Variants in ARHGDIB observed in about 807,000 individuals in gnomAD.
The protein encoded by ARHGDIB is Rho GDP dissociation inhibitor beta.
In ARHGDIB, 20 loss-of-function variants were observed where a neutral mutation model predicts 22.6. That is an observed-to-expected ratio of 0.88 (90% CI 0.62 to 1.28). ARHGDIB has a LOEUF of 1.28. ARHGDIB is among the 50% of genes most tolerant of loss of function. The probability of loss-of-function intolerance (pLI) is 0.00; values close to 1 mark genes in which losing one functional copy is unlikely to be tolerated. For missense variants in ARHGDIB, 254 were observed against 245.4 expected, an observed-to-expected ratio of 1.04 and a Z score of -0.23; for synonymous variants, 114 against 96.1, an observed-to-expected ratio of 1.19 and a Z score of -1.09.
At chr12:14,952,132 C>G (rs904046372) in intron 1 of ARHGDIB, among the ~76,000 whole-genome samples, 1 of 152,130 alleles carries the variant, frequency 6.6e-6, no homozygotes, top group Admixed American at 6.5e-5. Flanking sequence ...CTGAGTGGTT[C>G]TGCAAACCTT....
chr12:14,950,032 T>C lies in ARHGDIB; in HGVS notation c.182-147A>G, dbSNP rs993070938. The C allele has an allele frequency of 2.2e-5, 16 of 737,956 alleles. No homozygotes were observed. The African/African-American group carries it at 2.5e-4, about 11-fold the overall frequency. 45.7% of individuals were successfully genotyped at this position (737,956 alleles called of 1,614,324 possible). A position where few individuals can be genotyped will look rare whatever the true frequency, so the allele number is the denominator to read the frequency against. On this transcript the variant is annotated intron_variant, in intron 2 of 5. Coordinates refer to ENST00000228945, the MANE Select transcript of ARHGDIB (RefSeq NM_001175.7). ...AGAAATGGATGTGGCAGGTTTGCTA[T>C]GCTTGGTCTTGATGGCCTTGTAAAT...
At chr12:14,942,872 C>CTTT in intron 5 of ARHGDIB, 151 bp from the exon 6 acceptor site, 9 of 531,790 alleles carry the variant, frequency 1.7e-5, no homozygotes, top group East Asian at 1.1e-4. Flanking sequence ...CCTGAGGCAT[C>CTTT]TTTTTTTTTT....
intron 1 of ARHGDIB, among the ~76,000 whole-genome samples, chr12:14,955,511 T>C (rs1864281856): frequency 6.6e-6 from 1 of 152,208 alleles, no homozygotes; most frequent in South Asian, 2.1e-4. Flanking sequence ...GTGAAAAGGT[T>C]ACTATAGTCA....
intron 1 of ARHGDIB, among the ~76,000 whole-genome samples, chr12:14,956,847 G>T (rs1864310477): frequency 6.6e-6 from 1 of 152,192 alleles, no homozygotes. Context: ...CAATTAAAAT[G>T]TCGAATTAAA....
chr12:14,947,263 A>C (rs1385238371), intron 4 of ARHGDIB, among the ~76,000 whole-genome samples: 2 of 152,074 alleles, frequency 1.3e-5, no homozygotes, highest in Admixed American at 1.3e-4. Context: ...GCTCATTGGG[A>C]TATATTAGAT....
rs1491299130 is a variant in ARHGDIB at position 14,943,405 on chromosome 12, T to TG, written c.407-685_407-684insC. Among the ~76,000 whole-genome samples, 76 of 26,750 alleles carry TG rather than the reference T, an allele frequency of 2.8e-3. 1 individual carries two copies. Among genetic ancestry groups the TG allele is most frequent in the African/African-American group, 9.0e-3 (75 of 8,288 alleles). The allele number at this position is 26,750 out of a possible 152,430, so 17.5% of individuals were successfully genotyped here. A position where few individuals can be genotyped will look rare whatever the true frequency, so the allele number is the denominator to read the frequency against. ...TTTTTTTTTTTTGTTGTTGTTGTTG[T>TG]TTTTTTTATGGAGATATAGCAGATT... On this transcript the variant is annotated intron_variant, in intron 5 of 5. Coordinates refer to ENST00000228945, the MANE Select transcript of ARHGDIB (RefSeq NM_001175.7).
intron 1 of ARHGDIB, among the ~76,000 whole-genome samples, chr12:14,951,876 C>T (rs1271607207): frequency 6.6e-6 from 1 of 151,834 alleles, no homozygotes; most frequent in African/African-American, 2.4e-5. Context: ...AAGAGAATTG[C>T]CCAGGTTCAC....
intron 5 of ARHGDIB, 150 bp from the exon 6 acceptor site, chr12:14,942,871 T>C: frequency 9.1e-6 from 6 of 656,820 alleles, no homozygotes; most frequent in East Asian, 2.8e-5. Flanking sequence ...ACCTGAGGCA[T>C]CTTTTTTTTT....
Position 14,946,070 on chromosome 12 carries a change from C to A in ARHGDIB, c.343-1231G>T, listed in dbSNP as rs563505486. On this transcript the variant is annotated intron_variant, in intron 4 of 5. Transcript: ENST00000228945. Reference sequence around the variant, plus strand: ...AAGAGTCTACCATCTCACCAGCGCTCTTCAGTGGGTCCATTTAATATAAAT... The same window carrying A: ...AAGAGTCTACCATCTCACCAGCGCTATTCAGTGGGTCCATTTAATATAAAT... 1.4e-4 allele frequency among the ~76,000 whole-genome samples: 22 copies of A among 152,326 alleles called. No individual in the cohort carries two copies. The South Asian group carries it at 4.6e-3, about 32-fold the overall frequency.
Position 14,942,689 on chromosome 12 carries a change from C to T in ARHGDIB, c.439G>A (p.Gly147Arg). ...DKATFMVGSYGPRPEEYEFLT... is the reference protein window; with the variant it reads ...DKATFMVGSYRPRPEEYEFLT... ...AACTCATACTCCTCAGGCCGAGGTC[C>T]ATAGCTGCCAACCATAAATGTTGCT... Residue 147 changes from glycine (G) to arginine (R), a missense_variant, in exon 6 of 6, where the codon GGA becomes AGA. By Grantham distance (125) the Gly-to-Arg change is moderately radical. Coordinates refer to ENST00000228945, the MANE Select transcript of ARHGDIB (RefSeq NM_001175.7). The T allele has an allele frequency of 6.2e-7, 1 of 1,614,132 alleles. No homozygotes were observed. Among genetic ancestry groups the T allele is most frequent in the Non-Finnish European group, 8.5e-7 (1 of 1,180,010 alleles).
intron 3 of ARHGDIB, 75 bp downstream of exon 3, chr12:14,949,727 G>T: frequency 7.5e-7 from 1 of 1,338,764 alleles, no homozygotes; most frequent in Non-Finnish European, 1.1e-6. Context: ...TCTTCTGTTG[G>T]AACAGGAGAC....
In ARHGDIB at chr12:14,942,579, C is replaced by T. The variant is rs1158495701; in HGVS notation, c.549G>A (p.Lys183=). The T allele has an allele frequency of 6.2e-7, 1 of 1,614,058 alleles. No homozygotes were observed. ...TCCACTCCCAGCTGAGGTGGTCTTG[C>T]TTGTCATCGTCGGTGAAGAAGGACT... The part of the protein sequence containing the change: ...HNKSFFTDDD[K]QDHLSWEWNL... Residue 183 remains lysine (K), a synonymous_variant, in exon 6 of 6, where the codon AAG becomes AAA. Transcript: ENST00000228945.
At chr12:14,950,876 T>C (rs1864159316) in intron 1 of ARHGDIB, 152 bp from the exon 2 acceptor site, 1 of 596,252 alleles carries the variant, frequency 1.7e-6, no homozygotes, top group East Asian at 3.0e-5. Context: ...CATTAAATTC[T>C]ATGAAATAAT....
chr12:14,947,242 T>G (rs1422154323), intron 4 of ARHGDIB, among the ~76,000 whole-genome samples: 1 of 152,228 alleles, frequency 6.6e-6, no homozygotes, highest in Non-Finnish European at 1.5e-5. Context: ...GGCTGCTCAT[T>G]GGGATATATG....
intron 2 of ARHGDIB, 107 bp from the exon 3 acceptor site, chr12:14,949,992 A>G (rs1335090450): frequency 3.9e-6 from 4 of 1,014,344 alleles, no homozygotes; most frequent in Non-Finnish European, 5.8e-6. Flanking sequence ...TGATCTTTCT[A>G]TCTGGAGTAG....
At chr12:14,952,293 A>G (rs1013634565) in intron 1 of ARHGDIB, among the ~76,000 whole-genome samples, 6 of 151,358 alleles carry the variant, frequency 4.0e-5, no homozygotes, top group South Asian at 4.2e-4. Flanking sequence ...AAAAAAAAAA[A>G]AGAGAAACAA....
rs368342527 is a variant in ARHGDIB at position 14,949,830 on chromosome 12, G to A, written c.237C>T (p.Ala79=). 6.8e-6 allele frequency: 11 copies of A among 1,613,548 alleles called. No individual in the cohort carries two copies. The African/African-American group carries it at 1.3e-4, about 20-fold the overall frequency. ...TAAGGTCCATGGTGATTGGTCCCGG[G>A]GCACTCTCACAAACCAGGGTGAGCC... ...VTRLTLVCES[A]PGPITMDLTG... is the part of the protein sequence containing the mutation. The change falls in exon 3 of 6, where the codon GCC becomes GCT. Residue 79 remains alanine, a synonymous_variant. Transcript: ENST00000228945.
intron 1 of ARHGDIB, among the ~76,000 whole-genome samples, chr12:14,959,134 A>G (rs1227446914): frequency 1.3e-5 from 2 of 152,146 alleles, no homozygotes; most frequent in Admixed American, 1.3e-4. Flanking sequence ...AAAAATAATA[A>G]TAGGCCATGC....
At chr12:14,953,126 C>T (rs1864219207) in intron 1 of ARHGDIB, among the ~76,000 whole-genome samples, 1 of 152,142 alleles carries the variant, frequency 6.6e-6, no homozygotes, top group South Asian at 2.1e-4. Context: ...TTTCTCGATT[C>T]ATTGCAAACA....
Sources: gnomAD v4.1 joint callset for allele counts (sites outside exome capture counted in the v4.1 genomes callset) on GRCh38, gnomAD v4.1.1 for gene constraint, MANE v1.5 for transcripts, NCBI Gene and HGNC (gene_info 2026-07-23, HGNC 2026-07-21) for gene names.